The following ALDH4A1 variants were observed in gnomAD, a reference collection of about 807,000 sequenced individuals.
The protein encoded by ALDH4A1 is aldehyde dehydrogenase 4 family member A1.
A neutral mutation model predicts 70.5 loss-of-function variants in ALDH4A1; 46 were observed. That is an observed-to-expected ratio of 0.65 (90% CI 0.51 to 0.83). The LOEUF (loss-of-function observed/expected upper bound fraction) is 0.83, where lower values mean the gene tolerates loss of function less well. Ranked by LOEUF, ALDH4A1 falls within the 40% of genes least tolerant of loss-of-function variation. The pLI is 0.00. For missense variants in ALDH4A1, 749 were observed against 766.5 expected (o/e 0.98, Z 0.27); for synonymous variants, 323 against 324.3 (o/e 1.00, Z 0.04).
At chr1:18,892,069 C>T (rs1935455532) in intron 1 of ALDH4A1, among the ~76,000 whole-genome samples, 1 of 151,936 alleles carries the variant, frequency 6.6e-6, no homozygotes, top group Non-Finnish European at 1.5e-5. Context: ...TATTGTGTCT[C>T]ATCTGATCAT....
intron 5 of ALDH4A1, among the ~76,000 whole-genome samples, chr1:18,884,809 G>A (rs979038806): frequency 6.6e-6 from 1 of 152,188 alleles, no homozygotes; most frequent in Admixed American, 6.5e-5. Flanking sequence ...GAAGTCTCAC[G>A]GAGGGGGTGA....
chr1:18,894,865 C>CTTT (rs34445898), intron 1 of ALDH4A1, among the ~76,000 whole-genome samples: 307 of 109,548 alleles, frequency 2.8e-3, no homozygotes, highest in African/African-American at 4.9e-3. Context: ...TTCTTTCTTT[C>CTTT]TTTTTTTTTT....
intron 1 of ALDH4A1, 47 bp from the exon 2 acceptor site, chr1:18,890,152 C>G (rs763144258): frequency 2.0e-6 from 3 of 1,502,780 alleles, no homozygotes; most frequent in Non-Finnish European, 2.7e-6. Flanking sequence ...CAGCAGCGGC[C>G]CCACCACCAG....
rs1935051603 is a variant in ALDH4A1, at chr1:18,883,149, T to A, written c.653A>T (p.Asn218Ile). 2 of 1,613,014 alleles carry A rather than the reference T, an allele frequency of 1.2e-6. No homozygotes were observed. The highest frequency in any genetic ancestry group is 1.7e-6 in the Non-Finnish European group (2 of 1,180,054). Residue 218 changes from asparagine (N) to isoleucine (I), a missense_variant, in exon 7 of 15, where the codon AAC becomes ATC. Asn to Ile is a moderately radical substitution (Grantham distance 149). Coordinates refer to ENST00000375341, the MANE Select transcript of ALDH4A1 (RefSeq NM_003748.4). ...SPFNFTAIGGNLAGAPALMGN... is the reference protein window; with the variant it reads ...SPFNFTAIGGILAGAPALMGN... ...CATCAGGGCCGGTGCCCCCGCCAGG[T>A]TGCCGCCGATTGCAGTGAAGTTAAA...
At chr1:18,897,178 CT>C (rs747057648) in intron 1 of ALDH4A1, 2 of 471,078 alleles carry the variant, frequency 4.2e-6, no homozygotes, top group South Asian at 3.1e-5. Context: ...GCATTTTGGA[CT>C]TTGGAACTTG....
chr1:18,887,208 G>C (rs1935236833), intron 3 of ALDH4A1, among the ~76,000 whole-genome samples: 1 of 152,240 alleles, frequency 6.6e-6, no homozygotes, highest in Admixed American at 6.5e-5. Flanking sequence ...CTATTTTGCA[G>C]ACCTCGGGCC....
chr1:18,886,629 C>T, intron 3 of ALDH4A1, 118 bp from the exon 4 acceptor site: 2 of 1,080,296 alleles, frequency 1.9e-6, no homozygotes, highest in South Asian at 1.3e-5. Context: ...GCTGTCCCCC[C>T]TCCCCCGCTC....
In ALDH4A1 at chr1:18,872,713, A is replaced by G. The variant is rs995427290; in HGVS notation, c.*132T>C. ...GGAGAGGCCAGAATACAGTGGTAAG[A>G]AGGGAGTCAAGCCCGGATTATAGAA... On this transcript the variant is annotated 3_prime_UTR_variant, in exon 15 of 15. Transcript: ENST00000375341. 1.4e-6 allele frequency: 1 copy of G among 711,610 alleles called. No homozygotes were observed. The highest frequency in any genetic ancestry group is 2.4e-6 in the Non-Finnish European group (1 of 408,380). 44.1% of individuals were successfully genotyped at this position (711,610 alleles called of 1,614,324 possible). A position where few individuals can be genotyped will look rare whatever the true frequency, so the allele number is the denominator to read the frequency against.
At chr1:18,882,413 G>T (rs913524279) in intron 7 of ALDH4A1, 3 of 400,898 alleles carry the variant, frequency 7.5e-6, no homozygotes, top group Non-Finnish European at 1.5e-5. Flanking sequence ...CAACTATGTG[G>T]ACCTCTCCCA....
chr1:18,897,204 C>G (rs1188494628), intron 1 of ALDH4A1: 3 of 434,482 alleles, frequency 6.9e-6, no homozygotes, highest in African/African-American at 6.3e-5. Context: ...TAGGGATGCT[C>G]AACTTGTTCG....
chr1:18,882,840 C>T (rs908538663), intron 7 of ALDH4A1, among the ~76,000 whole-genome samples: 2 of 152,212 alleles, frequency 1.3e-5, no homozygotes, highest in African/African-American at 4.8e-5. Flanking sequence ...AGCCTCACAA[C>T]CCAGTCATGG....
Position 18,885,514 on chromosome 1 carries a change from G to A in ALDH4A1, c.412C>T (p.Pro138Ser), listed in dbSNP as rs1421185310. 8 of 1,575,170 alleles carry A rather than the reference G, an allele frequency of 5.1e-6. No homozygotes were observed. Among genetic ancestry groups the A allele is most frequent in the Non-Finnish European group, 6.9e-6 (8 of 1,158,102 alleles). ...FLKAADMLSG[P>S]RRAEILAKTM... Reference sequence around the variant, plus strand: ...TTGGCGAGGATCTCAGCCCTGCGCGGCCCACTCAGCATGTCTGCCGCCTTC... The same window carrying A: ...TTGGCGAGGATCTCAGCCCTGCGCGACCCACTCAGCATGTCTGCCGCCTTC... The change falls in exon 5 of 15, where the codon CCG becomes TCG. Residue 138 changes from proline to serine, a missense_variant. Transcript: ENST00000375341.
chr1:18,879,288 G>A lies in ALDH4A1; in HGVS notation c.940+12C>T. On this transcript the variant is annotated intron_variant, in intron 9 of 14. Coordinates refer to ENST00000375341, the MANE Select transcript of ALDH4A1 (RefSeq NM_003748.4). ...GGGGCCACACGGGAGGAGGAGGTGA[G>A]GCAGGCCTTACCTCCAGCCAGGCGT... is the stretch of plus-strand genomic sequence containing the variant. 1 of 1,602,422 alleles carries A rather than the reference G, an allele frequency of 6.2e-7. No homozygotes were observed. The highest frequency in any genetic ancestry group is 8.5e-7 in the Non-Finnish European group (1 of 1,174,488).
intron 13 of ALDH4A1, among the ~76,000 whole-genome samples, 159 bp downstream of exon 13, chr1:18,875,223 C>T (rs1374178189): frequency 6.6e-6 from 1 of 152,212 alleles, no homozygotes; most frequent in African/African-American, 2.4e-5. Context: ...CTGCTGTGGG[C>T]CCATGTGGCG....
intron 1 of ALDH4A1, among the ~76,000 whole-genome samples, chr1:18,901,916 C>G (rs1158443771): frequency 6.8e-6 from 1 of 146,292 alleles, no homozygotes; most frequent in Admixed American, 6.7e-5. Context: ...TTTTTTCTGT[C>G]CAACATTTAA....
At chr1:18,901,835 C>A (rs1935808696) in intron 1 of ALDH4A1, among the ~76,000 whole-genome samples, 1 of 151,814 alleles carries the variant, frequency 6.6e-6, no homozygotes, top group Admixed American at 6.6e-5. Flanking sequence ...TGCCAATTGC[C>A]CGGCCAGCAT....
intron 13 of ALDH4A1, among the ~76,000 whole-genome samples, chr1:18,875,041 G>A (rs888280205): frequency 5.3e-5 from 8 of 152,224 alleles, no homozygotes; most frequent in African/African-American, 1.9e-4. Flanking sequence ...GCAGCCCCTG[G>A]CCTGCCCTGC....
At chr1:18,882,526 A>G in intron 7 of ALDH4A1, 1 of 522,476 alleles carries the variant, frequency 1.9e-6, no homozygotes, top group Non-Finnish European at 4.0e-6. Flanking sequence ...TGACTTGAAT[A>G]CCATCAACCC....
chr1:18,896,082 A>G (rs1263822181), intron 1 of ALDH4A1, among the ~76,000 whole-genome samples: 1 of 151,988 alleles, frequency 6.6e-6, no homozygotes, highest in Non-Finnish European at 1.5e-5. Flanking sequence ...CACTGGTCCA[A>G]CCTCACATAG....
Sources: allele counts gnomAD v4.1 joint callset (sites outside exome capture counted in the v4.1 genomes callset), GRCh38; gene constraint gnomAD v4.1.1; transcripts MANE v1.5; gene names NCBI Gene and HGNC (gene_info 2026-07-23, HGNC 2026-07-21).